Variants in SLC9A3 observed in about 807,000 individuals in gnomAD.
SLC9A3 encodes solute carrier family 9 member A3.
In SLC9A3, 37 loss-of-function variants were observed where a neutral mutation model predicts 86.8. The observed-to-expected ratio is 0.43, with a 90% CI of 0.33 to 0.56. SLC9A3 has a LOEUF of 0.56. Ranked by LOEUF, SLC9A3 falls within the 20% of genes least tolerant of loss-of-function variation. SLC9A3 has a pLI of 0.06. For missense variants in SLC9A3, 1,011 were observed against 1,171.9 expected, an observed-to-expected ratio of 0.86 and a Z score of 2.00; for synonymous variants, 581 against 528.3, an observed-to-expected ratio of 1.10 and a Z score of -1.37.
Position 473,177 on chromosome 5 carries a change from C to CGCAGGCCCCGCCCCCGGT in SLC9A3, c.*201_*202insACCGGGGGCGGGGCCTGC. ...CCCCCGGCGCAGGCCCCGCCCCCGG[C>CGCAGGCCCCGCCCCCGGT]TCGCCCTCGGGCGGCTCTGCGGGCG... On this transcript the variant is annotated 3_prime_UTR_variant, in exon 17 of 17. Coordinates refer to ENST00000264938, the MANE Select transcript of SLC9A3 (RefSeq NM_004174.4). 2 of 486,212 alleles carry CGCAGGCCCCGCCCCCGGT rather than the reference C, an allele frequency of 4.1e-6. No homozygotes were observed. The highest frequency in any genetic ancestry group is 6.3e-6 in the Non-Finnish European group (2 of 319,350). 30.1% of individuals were successfully genotyped at this position (486,212 alleles called of 1,614,324 possible). A position where few individuals can be genotyped will look rare whatever the true frequency, so the allele number is the denominator to read the frequency against.
chr5:477,229 C>T (rs1738805070), intron 11 of SLC9A3, 103 bp downstream of exon 11: 2 of 770,242 alleles, frequency 2.6e-6, no homozygotes. Context: ...CTCCCCTCTT[C>T]CATGCCACCC....
intron 1 of SLC9A3, among the ~76,000 whole-genome samples, chr5:521,702 A>C (rs569880580): frequency 6.6e-6 from 1 of 152,186 alleles, no homozygotes; most frequent in South Asian, 2.1e-4. Flanking sequence ...GCTGGGTGAA[A>C]CTGGAGAAGT....
intron 9 of SLC9A3, chr5:480,192 C>T (rs1433641024): frequency 6.1e-6 from 3 of 494,232 alleles, no homozygotes; most frequent in South Asian, 4.4e-5. Flanking sequence ...CATGCCGCCT[C>T]CTCCAGAGGG....
Position 471,352 on chromosome 5 carries a change from T to G in SLC9A3, c.*2027A>C. The stretch of plus-strand genomic sequence containing the variant: ...ATGCAGGCCCAAGGGTCCAGGGGAG[T>G]TGTTCAGCGCCTGGAATCGCCATGC... On this transcript the variant is annotated 3_prime_UTR_variant, in exon 17 of 17. Transcript: ENST00000264938. 2.6e-5 allele frequency: 5 copies of G among 192,382 alleles called. No homozygotes were observed. The highest frequency in any genetic ancestry group is 1.2e-4 in the East Asian group (1 of 8,068). The allele number at this position is 192,382 out of a possible 1,614,324, so 11.9% of individuals were successfully genotyped here. A position where few individuals can be genotyped will look rare whatever the true frequency, so the allele number is the denominator to read the frequency against.
chr5:477,305 G>T, intron 11 of SLC9A3, 27 bp downstream of exon 11: 1 of 1,500,110 alleles, frequency 6.7e-7, no homozygotes, highest in South Asian at 1.2e-5. Context: ...TCTTCCCCAG[G>T]GAAGCTGCAT....
At chr5:475,200 G>C (rs983754869) in intron 15 of SLC9A3, 68 bp from the exon 16 acceptor site, 6 of 1,479,708 alleles carry the variant, frequency 4.1e-6, no homozygotes, top group Non-Finnish European at 5.4e-6. Context: ...ACCTCGCCGG[G>C]GCCGTCACCT....
intron 1 of SLC9A3, among the ~76,000 whole-genome samples, chr5:506,580 C>T (rs1384586318): frequency 6.6e-6 from 1 of 152,234 alleles, no homozygotes; most frequent in Non-Finnish European, 1.5e-5. Flanking sequence ...CTGGGCGCTG[C>T]TCCCAGGGAC....
At chr5:494,228 C>T (rs917211125) in intron 1 of SLC9A3, among the ~76,000 whole-genome samples, 2 of 152,370 alleles carry the variant, frequency 1.3e-5, no homozygotes, top group Admixed American at 6.5e-5. Flanking sequence ...TCCTCAGCAG[C>T]GCCCTCCCCA....
In SLC9A3 at chr5:472,092, G is replaced by C; in HGVS notation, c.*1287C>G. On this transcript the variant is annotated 3_prime_UTR_variant, in exon 17 of 17. Coordinates refer to ENST00000264938, the MANE Select transcript of SLC9A3 (RefSeq NM_004174.4). ...AGGTTTCAGGTGGGTTGGACCCTGT[G>C]GGACTTGCCGTCTGAGGGATGGATG... 1 of 428,512 alleles carries C rather than the reference G, an allele frequency of 2.3e-6. No homozygotes were observed. The highest frequency in any genetic ancestry group is 4.7e-6 in the Non-Finnish European group (1 of 212,596). The allele number at this position is 428,512 out of a possible 1,614,324, so 26.5% of individuals were successfully genotyped here.
At chr5:477,271 G>T in intron 11 of SLC9A3, 61 bp downstream of exon 11, 1 of 1,229,434 alleles carries the variant, frequency 8.1e-7, no homozygotes, top group South Asian at 1.3e-5. Flanking sequence ...CCCTGTCTGT[G>T]ACTCTCAGCT....
chr5:523,789 G>A (rs1733952749), intron 1 of SLC9A3, among the ~76,000 whole-genome samples: 1 of 152,150 alleles, frequency 6.6e-6, no homozygotes, highest in Non-Finnish European at 1.5e-5. Flanking sequence ...CGGCCCCGGG[G>A]ACTCCCTGGG....
intron 5 of SLC9A3, 27 bp downstream of exon 5, chr5:484,493 A>G: frequency 6.2e-7 from 1 of 1,609,690 alleles, no homozygotes; most frequent in Non-Finnish European, 8.5e-7. Flanking sequence ...GGGCGTGGAG[A>G]AGCTCGCGTG....
At chr5:476,174 G>GC (rs752071327) in intron 13 of SLC9A3, 28 bp downstream of exon 13, 1 of 1,612,004 alleles carries the variant, frequency 6.2e-7, no homozygotes, top group Non-Finnish European at 8.5e-7. Context: ...CCCCAGCCCC[G>GC]CCAAGCCTCC....
chr5:484,742 C>T (rs1396075723), intron 4 of SLC9A3, 45 bp from the exon 5 acceptor site: 2 of 1,598,480 alleles, frequency 1.3e-6, no homozygotes, highest in Non-Finnish European at 1.7e-6. Context: ...CTTCCGGGCC[C>T]TTCCTTGCCA....
chr5:486,008 A>G lies in SLC9A3; in HGVS notation c.676-777T>C, dbSNP rs1036423919. ...GGGCTGCGGGGCACACGGGGCTGTCACTCTATTCCCGATTAAGTCTCACTT... is the reference window on the plus strand; with the variant it reads ...GGGCTGCGGGGCACACGGGGCTGTCGCTCTATTCCCGATTAAGTCTCACTT... On this transcript the variant is annotated intron_variant, in intron 3 of 16. Transcript: ENST00000264938. Among the ~76,000 whole-genome samples, 7 of 152,058 alleles carry G rather than the reference A, an allele frequency of 4.6e-5. No individual in the cohort carries two copies. In the East Asian group the frequency reaches 1.2e-3, roughly 25 times the overall value.
chr5:482,800 C>T (rs372609963), intron 6 of SLC9A3, 50 bp from the exon 7 acceptor site: 105 of 1,461,312 alleles, frequency 7.2e-5, no homozygotes, highest in Middle Eastern at 1.8e-4. Flanking sequence ...CTCCCAGCCG[C>T]GGGACCCCAG....
intron 1 of SLC9A3, among the ~76,000 whole-genome samples, chr5:519,422 A>C (rs1434887610): frequency 6.6e-6 from 1 of 152,204 alleles, no homozygotes; most frequent in African/African-American, 2.4e-5. Flanking sequence ...GGACCAGAGC[A>C]CATGCAATAA....
Position 473,159 on chromosome 5 carries a change from C to A in SLC9A3, c.*220G>T. The A allele has an allele frequency of 2.5e-6, 1 of 401,572 alleles. No individual in the cohort carries two copies. The highest frequency in any genetic ancestry group is 4.0e-6 in the Non-Finnish European group (1 of 251,090). 24.9% of individuals were successfully genotyped at this position (401,572 alleles called of 1,614,324 possible). ...CTCGGCGCTCCGGCCCCGCCCCCGGCGCAGGCCCCGCCCCCGGCTCGCCCT... is the reference window on the plus strand; with the variant it reads ...CTCGGCGCTCCGGCCCCGCCCCCGGAGCAGGCCCCGCCCCCGGCTCGCCCT... On this transcript the variant is annotated 3_prime_UTR_variant, in exon 17 of 17. Coordinates refer to ENST00000264938, the MANE Select transcript of SLC9A3 (RefSeq NM_004174.4).
rs752195162 is a variant in SLC9A3, at chr5:472,708, G to A, written c.*671C>T. 4.0e-5 allele frequency: 22 copies of A among 551,790 alleles called. No individual in the cohort carries two copies. Among genetic ancestry groups the A allele is most frequent in the East Asian group, 1.7e-4 (4 of 23,378 alleles). 34.2% of individuals were successfully genotyped at this position (551,790 alleles called of 1,614,324 possible). A position where few individuals can be genotyped will look rare whatever the true frequency, so the allele number is the denominator to read the frequency against. On this transcript the variant is annotated 3_prime_UTR_variant, in exon 17 of 17. Coordinates refer to ENST00000264938, the MANE Select transcript of SLC9A3 (RefSeq NM_004174.4). Reference sequence around the variant, plus strand: ...AGTTCAAAGACCTGGCGAGGGCCTGGAAACGGCGCTCGGCCCAGGCCGCTT... The same window carrying A: ...AGTTCAAAGACCTGGCGAGGGCCTGAAAACGGCGCTCGGCCCAGGCCGCTT...
Sources: gnomAD v4.1 joint callset for allele counts (sites outside exome capture counted in the v4.1 genomes callset) on GRCh38, gnomAD v4.1.1 for gene constraint, MANE v1.5 for transcripts, NCBI Gene and HGNC (gene_info 2026-07-23, HGNC 2026-07-21) for gene names.